SRGN: variants seen among roughly 807,000 people sequenced by gnomAD.
The protein encoded by SRGN is serglycin.
A neutral mutation model predicts 9.5 loss-of-function variants in SRGN; 2 were observed. That is an observed-to-expected ratio of 0.21 (90% CI 0.09 to 0.66). The LOEUF (loss-of-function observed/expected upper bound fraction) is 0.66. SRGN is among the 30% of genes least tolerant of loss of function. The pLI is 0.83. For missense variants in SRGN, 170 were observed against 192.4 expected, an observed-to-expected ratio of 0.88 and a Z score of 0.69; for synonymous variants, 59 against 72.3, an observed-to-expected ratio of 0.82 and a Z score of 0.93.
intron 2 of SRGN, among the ~76,000 whole-genome samples, chr10:69,102,392 G>T (rs999035450): frequency 1.3e-5 from 2 of 152,104 alleles, no homozygotes; most frequent in Non-Finnish European, 2.9e-5. Flanking sequence ...ACTTTTCATT[G>T]TCTGTCTTCC....
intron 1 of SRGN, among the ~76,000 whole-genome samples, chr10:69,095,686 G>A (rs767402930): frequency 1.3e-5 from 2 of 152,104 alleles, no homozygotes; most frequent in Non-Finnish European, 2.9e-5. Flanking sequence ...CAAGGTGGGT[G>A]GATTGCCTGA....
chr10:69,091,590 G>A (rs554487722), intron 1 of SRGN, among the ~76,000 whole-genome samples: 1 of 152,174 alleles, frequency 6.6e-6, no homozygotes, highest in Non-Finnish European at 1.5e-5. Context: ...TTAAGAATAG[G>A]AAATTAGGCT....
chr10:69,101,075 C>A (rs1020145711), intron 2 of SRGN, among the ~76,000 whole-genome samples: 1 of 151,476 alleles, frequency 6.6e-6, no homozygotes, highest in African/African-American at 2.4e-5. Context: ...CTCTGCCTCC[C>A]GGGTTCAAGT....
chr10:69,091,930 A>G (rs1467738357), intron 1 of SRGN, among the ~76,000 whole-genome samples: 1 of 150,418 alleles, frequency 6.6e-6, no homozygotes, highest in Non-Finnish European at 1.5e-5. Context: ...GAAAAGAAAA[A>G]AAAAAGAAAT....
At position 69,091,895 on chromosome 10, in the gene SRGN, AAAAAAAAAAAAAAGAAAAAG is replaced by A. The variant is rs1343282372; in HGVS notation, c.79+3664_79+3683del. Among the ~76,000 whole-genome samples, 439 of 101,310 alleles carry A rather than the reference AAAAAAAAAAAAAAGAAAAAG, an allele frequency of 4.3e-3. 17 individuals carry two copies. The highest frequency in any genetic ancestry group is 0.023 in the Middle Eastern group (4 of 172). 66.5% of individuals were successfully genotyped at this position (101,310 alleles called of 152,430 possible). A position where few individuals can be genotyped will look rare whatever the true frequency, so the allele number is the denominator to read the frequency against. On this transcript the variant is annotated intron_variant, in intron 1 of 2. Coordinates refer to ENST00000242465, the MANE Select transcript of SRGN (RefSeq NM_002727.4). Reference sequence around the variant, plus strand: ...ACTCTGTCTCAAAAAAAAAAAAAAAAAAAAAAAAAAAAAGAAAAAGAAAAGAAAAGAAAAAAAAAAGAAAT... The same window carrying A: ...ACTCTGTCTCAAAAAAAAAAAAAAAAAAAAGAAAAGAAAAAAAAAAGAAAT...
At chr10:69,097,981 C>G (rs1342916565) in intron 2 of SRGN, among the ~76,000 whole-genome samples, 2 of 152,178 alleles carry the variant, frequency 1.3e-5, no homozygotes, top group Non-Finnish European at 2.9e-5. Context: ...TAGTTTGGCT[C>G]TTACTCTGCA....
At chr10:69,102,352 C>T (rs1333855946) in intron 2 of SRGN, among the ~76,000 whole-genome samples, 1 of 152,166 alleles carries the variant, frequency 6.6e-6, no homozygotes, top group African/African-American at 2.4e-5. Flanking sequence ...TTTCTCTGTG[C>T]CACCTATGAT....
At chr10:69,102,358 A>T (rs1840311483) in intron 2 of SRGN, among the ~76,000 whole-genome samples, 1 of 152,166 alleles carries the variant, frequency 6.6e-6, no homozygotes, top group South Asian at 2.1e-4. Context: ...TGTGCCACCT[A>T]TGATTTTCCT....
intron 1 of SRGN, among the ~76,000 whole-genome samples, chr10:69,090,289 C>T (rs533876470): frequency 2.0e-5 from 3 of 152,306 alleles, no homozygotes; most frequent in African/African-American, 7.2e-5. Flanking sequence ...TTATCTAGCC[C>T]GTTGGTTTGG....
In SRGN at chr10:69,097,241, C is replaced by G. The variant is rs1005240251; in HGVS notation, c.227+10C>G. ...GGACTGACCTTTTTCCGTAAGTGGA[C>G]TTTTCTCTAATTAATTAATTAATTA... On this transcript the variant is annotated intron_variant, in intron 2 of 2. Transcript: ENST00000242465. 2.7e-5 allele frequency: 44 copies of G among 1,601,044 alleles called. No individual in the cohort carries two copies. The highest frequency in any genetic ancestry group is 3.8e-5 in the Non-Finnish European group (44 of 1,171,562).
upstream of SRGN, chr10:69,087,986 T>G (rs2132150085): frequency 1.1e-3 from 534 of 489,416 alleles, no homozygotes; most frequent in East Asian, 2.5e-3. Context: ...CCCACCCCCT[T>G]TCTTTCTGGG....
chr10:69,101,093 C>T (rs1280441762), intron 2 of SRGN, among the ~76,000 whole-genome samples: 1 of 151,208 alleles, frequency 6.6e-6, no homozygotes, highest in Non-Finnish European at 1.5e-5. Context: ...AGTGATTCTC[C>T]TGCCTCAGCC....
In SRGN at chr10:69,104,097, T is replaced by G; in HGVS notation, c.454T>G (p.Leu152Val). ...CAGCCAGGACTTGGGTCAACATGGA[T>G]TAGAAGAGGATTTTATGTTATAAAA... is the stretch of plus-strand genomic sequence containing the variant. The part of the protein sequence containing the change: ...SDSQDLGQHG[L>V]EEDFML The change falls in exon 3 of 3, where the codon TTA (leucine) becomes GTA (valine). Residue 152 changes from leucine (L) to valine (V), a missense_variant. By Grantham distance (32) the Leu-to-Val change is conservative. Coordinates refer to ENST00000242465, the MANE Select transcript of SRGN (RefSeq NM_002727.4). 6.2e-7 allele frequency: 1 copy of G among 1,614,114 alleles called. No individual in the cohort carries two copies. Among genetic ancestry groups the G allele is most frequent in the African/African-American group, 1.3e-5 (1 of 75,038 alleles).
At chr10:69,102,634 G>A (rs1461656921) in intron 2 of SRGN, among the ~76,000 whole-genome samples, 1 of 152,120 alleles carries the variant, frequency 6.6e-6, no homozygotes, top group Admixed American at 6.5e-5. Context: ...CTGTCACCGA[G>A]GGCTGTCGTC....
chr10:69,095,648 C>A (rs11817899), intron 1 of SRGN, among the ~76,000 whole-genome samples: 26,904 of 152,062 alleles, frequency 0.18, 3,219 homozygotes, highest in Non-Finnish European at 0.25. Flanking sequence ...TGGTGGCTCA[C>A]GCCTGTAATC....
At chr10:69,092,570 G>A (rs1240224343) in intron 1 of SRGN, among the ~76,000 whole-genome samples, 4 of 152,178 alleles carry the variant, frequency 2.6e-5, no homozygotes, top group Non-Finnish European at 5.9e-5. Context: ...AAGGCAAGTG[G>A]ATCACTTGAG....
intron 2 of SRGN, among the ~76,000 whole-genome samples, chr10:69,103,097 A>T (rs1420872625): frequency 6.6e-6 from 1 of 151,908 alleles, no homozygotes; most frequent in African/African-American, 2.4e-5. Flanking sequence ...GCACCACCAC[A>T]CTTGGCTAAT....
chr10:69,099,405 A>G (rs1476697326), intron 2 of SRGN, among the ~76,000 whole-genome samples: 1 of 150,736 alleles, frequency 6.6e-6, no homozygotes, highest in Non-Finnish European at 1.5e-5. Context: ...TCCTCAAGTG[A>G]TCTTCCTGCC....
At chr10:69,097,624 T>A (rs1433561223) in intron 2 of SRGN, among the ~76,000 whole-genome samples, 1 of 152,096 alleles carries the variant, frequency 6.6e-6, no homozygotes, top group Non-Finnish European at 1.5e-5. Flanking sequence ...AGACGGGGTT[T>A]CACCTTATTA....
Sources: gnomAD v4.1 joint callset for allele counts (sites outside exome capture counted in the v4.1 genomes callset) on GRCh38, gnomAD v4.1.1 for gene constraint, MANE v1.5 for transcripts, NCBI Gene and HGNC (gene_info 2026-07-23, HGNC 2026-07-21) for gene names.